MINK1: variants seen among roughly 807,000 people sequenced by gnomAD.
MINK1 encodes misshapen-like kinase 1.
Under a neutral mutation model 178.4 loss-of-function variants are expected in MINK1, and 46 were observed. The ratio of observed to expected loss-of-function variants is 0.26; its 90% confidence interval spans 0.20 to 0.33. The LOEUF (loss-of-function observed/expected upper bound fraction) is 0.33. MINK1 is among the 10% of genes least tolerant of loss of function. The pLI, the probability that MINK1 is intolerant of heterozygous loss-of-function variation, is 1.00. For missense variants in MINK1, 1,366 were observed against 1,814.9 expected, an observed-to-expected ratio of 0.75 and a Z score of 4.49; for synonymous variants, 797 against 709.7, an observed-to-expected ratio of 1.12 and a Z score of -1.96.
chr17:4,833,865 C>G lies in MINK1; in HGVS notation c.57+225C>G, dbSNP rs1908865279. 6.6e-6 allele frequency among the ~76,000 whole-genome samples: 1 copy of G among 152,162 alleles called. No homozygotes were observed. The highest frequency in any genetic ancestry group is 1.5e-5 in the Non-Finnish European group (1 of 68,012). ...TGCTGGGAGCCAGTTCGGTCCCCAC[C>G]CTGTGGTGCCCCGCCCCCACACTTC... is the stretch of plus-strand genomic sequence containing the variant. On this transcript the variant is annotated intron_variant, in intron 1 of 31. Transcript: ENST00000355280. This position sits in a 1 kb window ranked among gnomAD's most constrained non-coding sequence, Gnocchi z 4.8.
Position 4,889,771 on chromosome 17 carries a change from GC to G in MINK1, c.1347+10del. 2 of 1,523,078 alleles carry G rather than the reference GC, an allele frequency of 1.3e-6. No individual in the cohort carries two copies. The allele number at this position is 1,523,078 out of a possible 1,614,324, so 94.3% of individuals were successfully genotyped here. ...CAGGCGGAGCGCGAGCAGGTAGAGC[GC>G]CGCACCCGCATCCCTGCCCTCCCGC... On this transcript the variant is annotated intron_variant, in intron 13 of 31. Transcript: ENST00000355280.
At position 4,886,437 on chromosome 17, in the gene MINK1, AC is replaced by A. The variant is rs1968209259; in HGVS notation, c.774-12del. The A allele has an allele frequency of 6.3e-7, 1 of 1,593,216 alleles. No homozygotes were observed. The highest frequency in any genetic ancestry group is 2.2e-5 in the East Asian group (1 of 44,724). ...TGAGGGGACCCTCCCAGTGTGAGCC[AC>A]CACTGTTTCCAGGTCTAAGAAGTTC... On this transcript the variant is annotated splice_polypyrimidine_tract_variant and intron_variant, in intron 9 of 31. Transcript: ENST00000355280. This position sits in a 1 kb window ranked among gnomAD's most constrained non-coding sequence, Gnocchi z 6.1.
At position 4,846,926 on chromosome 17, in the gene MINK1, G is replaced by A. The variant is rs116375005; in HGVS notation, c.57+13286G>A. Reference sequence around the variant, plus strand: ...CATACTCATGCCTCATGACTCTGCCGCATTGCCCAGTCCCCACCAGAAACA... The same window carrying A: ...CATACTCATGCCTCATGACTCTGCCACATTGCCCAGTCCCCACCAGAAACA... On this transcript the variant is annotated intron_variant, in intron 1 of 31. Coordinates refer to ENST00000355280, the MANE Select transcript of MINK1 (RefSeq NM_153827.5). Among the ~76,000 whole-genome samples the A allele has an allele frequency of 5.4e-3, 830 of 152,294 alleles. 11 individuals carry two copies. Among genetic ancestry groups the A allele is most frequent in the African/African-American group, 0.019 (783 of 41,550 alleles).
intron 1 of MINK1, among the ~76,000 whole-genome samples, chr17:4,839,368 T>C (rs1909837183): frequency 6.6e-6 from 1 of 152,224 alleles, no homozygotes; most frequent in African/African-American, 2.4e-5. Flanking sequence ...GCAGTCATCT[T>C]GAAACCTGGT....
chr17:4,837,745 A>G (rs143808530), intron 1 of MINK1, among the ~76,000 whole-genome samples: 1,958 of 152,292 alleles, frequency 0.013, 28 homozygotes, highest in African/African-American at 0.041. Context: ...TCTTTTTACC[A>G]TCCAGCTCGA....
At chr17:4,884,701 C>T (rs1478281562) in intron 5 of MINK1, among the ~76,000 whole-genome samples, 1 of 152,154 alleles carries the variant, frequency 6.6e-6, no homozygotes, top group Non-Finnish European at 1.5e-5. Flanking sequence ...CACCTGTAAC[C>T]CTGCAACTGC....
chr17:4,861,895 G>A (rs1301778102), intron 1 of MINK1, among the ~76,000 whole-genome samples: 8 of 152,278 alleles, frequency 5.3e-5, no homozygotes, highest in South Asian at 4.1e-4. Context: ...GAAAGCAGCC[G>A]CAGACTGTTA....
intron 4 of MINK1, chr17:4,883,209 C>CT (rs571332353): frequency 0.082 from 11,623 of 141,706 alleles, 462 homozygotes; most frequent in Non-Finnish European, 0.097. Context: ...GCAGAAGTTC[C>CT]TTTTTTTTTT....
intron 1 of MINK1, among the ~76,000 whole-genome samples, chr17:4,852,290 C>G (rs952932925): frequency 6.6e-6 from 1 of 152,070 alleles, no homozygotes; most frequent in Admixed American, 6.6e-5. Flanking sequence ...TGTATTCATT[C>G]ATTCCACAGA....
At chr17:4,889,923 C>T in intron 13 of MINK1, 160 bp downstream of exon 13, 1 of 619,694 alleles carries the variant, frequency 1.6e-6, no homozygotes, top group South Asian at 2.0e-5. Flanking sequence ...CCCTTCAACC[C>T]CAACCCTGAC....
At position 4,895,454 on chromosome 17, in the gene MINK1, G is replaced by A; in HGVS notation, c.3190G>A (p.Asp1064Asn). 1.2e-6 allele frequency: 2 copies of A among 1,602,702 alleles called. No individual in the cohort carries two copies. The change falls in exon 26 of 32, where the codon GAT becomes AAT. Residue 1064 changes from aspartate to asparagine, a missense_variant. Physicochemically the swap from Asp to Asn is conservative, Grantham distance 23. Transcript: ENST00000355280. The surrounding 1 kb of genome is among the most constrained non-coding windows in gnomAD (Gnocchi z 4.3). The part of the protein sequence containing the change: ...LIGRRRFQQM[D>N]VLEGLNLLIT... ...TGGGCGGCGACGCTTCCAGCAGATG[G>A]ATGTGCTGGAGGGGCTCAACCTGCT... is the stretch of plus-strand genomic sequence containing the variant.
At position 4,886,010 on chromosome 17, in the gene MINK1, G is replaced by A. The variant is rs751549834; in HGVS notation, c.694+45G>A. The A allele has an allele frequency of 1.2e-6, 2 of 1,611,576 alleles. No individual in the cohort carries two copies. The highest frequency in any genetic ancestry group is 1.7e-6 in the Non-Finnish European group (2 of 1,177,858). On this transcript the variant is annotated intron_variant, in intron 8 of 31. Transcript: ENST00000355280. The surrounding 1 kb of genome is among the most constrained non-coding windows in gnomAD (Gnocchi z 6.1). The stretch of plus-strand genomic sequence containing the variant: ...GGAGTGGGAGGGGAGGGAAAGGAAG[G>A]GCCCAGAGAGTGGCTGTAGGGAGGA...
intron 4 of MINK1, among the ~76,000 whole-genome samples, chr17:4,884,119 A>C (rs1480626464): frequency 1.4e-5 from 2 of 144,470 alleles, no homozygotes; most frequent in Admixed American, 7.2e-5. Context: ...CGCCTGCCTC[A>C]GCCTCCCAAA....
In MINK1 at chr17:4,897,347, T is replaced by TC. The variant is rs1484958232; in HGVS notation, c.*63dup. 2 of 1,517,602 alleles carry TC rather than the reference T, an allele frequency of 1.3e-6. No individual in the cohort carries two copies. Among genetic ancestry groups the TC allele is most frequent in the African/African-American group, 2.7e-5 (2 of 72,946 alleles). The allele number at this position is 1,517,602 out of a possible 1,614,324, so 94.0% of individuals were successfully genotyped here. Reference sequence around the variant, plus strand: ...CCAGCTCTCCCCCTGCAGCCAGGCTTCCCGGGCCGCCCCTCTTTCCCCTCC... The same window carrying TC: ...CCAGCTCTCCCCCTGCAGCCAGGCTTCCCCGGGCCGCCCCTCTTTCCCCTCC... On this transcript the variant is annotated 3_prime_UTR_variant, in exon 32 of 32. Transcript: ENST00000355280.
intron 1 of MINK1, among the ~76,000 whole-genome samples, chr17:4,843,348 G>C (rs546831198): frequency 2.8e-4 from 43 of 152,142 alleles, no homozygotes; most frequent in Admixed American, 1.3e-3. Flanking sequence ...CATGGTGGGA[G>C]GCACCTGTAA....
At chr17:4,888,412 C>T (rs906896023) in intron 12 of MINK1, among the ~76,000 whole-genome samples, 2 of 151,394 alleles carry the variant, frequency 1.3e-5, no homozygotes, top group African/African-American at 4.9e-5. Flanking sequence ...AGGATGGGGG[C>T]GGATCGTGAG....
At chr17:4,844,190 A>G (rs1567557639) in intron 1 of MINK1, among the ~76,000 whole-genome samples, 1 of 152,102 alleles carries the variant, frequency 6.6e-6, no homozygotes, top group East Asian at 1.9e-4. Flanking sequence ...TAGTAGAGAC[A>G]GGGTTTCACC....
In MINK1 at chr17:4,881,242, C is replaced by G. The variant is rs148255651; in HGVS notation, c.291C>G (p.Asn97Lys). Residue 97 changes from asparagine to lysine, a missense_variant, in exon 4 of 32, where the codon AAC becomes AAG. Physicochemically the swap from Asn to Lys is moderately conservative, Grantham distance 94 (BLOSUM62 0). Transcript: ENST00000355280. The stretch of plus-strand genomic sequence containing the variant: ...TCATCAAGAAGAGCCCCCCGGGAAA[C>G]GATGACCAGCTCTGGGTGAGAAACG... ...GAFIKKSPPGNDDQLWLVMEF... is the reference protein window; with the variant it reads ...GAFIKKSPPGKDDQLWLVMEF... 3.9e-6 allele frequency: 6 copies of G among 1,537,038 alleles called. No individual in the cohort carries two copies. The highest frequency in any genetic ancestry group is 1.4e-5 in the African/African-American group (1 of 73,018).
At chr17:4,857,325 G>A in intron 1 of MINK1, 1 of 170,440 alleles carries the variant, frequency 5.9e-6, no homozygotes, top group Non-Finnish European at 1.3e-5. Flanking sequence ...GGTGGCCATA[G>A]CACCCGAGAT....
Sources: allele counts gnomAD v4.1 joint callset (sites outside exome capture counted in the v4.1 genomes callset), GRCh38; gene constraint gnomAD v4.1.1; non-coding constraint Gnocchi (gnomAD v3.1); transcripts MANE v1.5; gene names NCBI Gene and HGNC (gene_info 2026-07-23, HGNC 2026-07-21).